Variants in OSBPL1A observed in about 807,000 individuals in gnomAD.
OSBPL1A encodes the protein oxysterol binding protein like 1A.
OSBPL1A carries 80 observed loss-of-function variants against 137.1 expected under a neutral mutation model. That is an observed-to-expected ratio of 0.58 (90% CI 0.49 to 0.70). The LOEUF (loss-of-function observed/expected upper bound fraction) is 0.70. Ranked by LOEUF, OSBPL1A falls within the 30% of genes least tolerant of loss-of-function variation. The pLI is 0.00. For missense variants in OSBPL1A, 970 were observed against 1,129.4 expected (o/e 0.86, Z 2.02); for synonymous variants, 365 against 389.7 (o/e 0.94, Z 0.75).
chr18:24,206,760 C>A (rs939303869), intron 17 of OSBPL1A, among the ~76,000 whole-genome samples: 3 of 152,186 alleles, frequency 2.0e-5, no homozygotes, highest in Admixed American at 6.5e-5. Context: ...GAAAGCAACT[C>A]AAAGGTTCTA....
rs55707517 is a variant in OSBPL1A at position 24,271,164 on chromosome 18, G to C, written c.1281+9678C>G. 0.096 allele frequency among the ~76,000 whole-genome samples: 14,603 copies of C among 152,156 alleles called. 863 individuals carry two copies. Among genetic ancestry groups the C allele is most frequent in the Middle Eastern group, 0.16 (46 of 292 alleles). On this transcript the variant is annotated intron_variant, in intron 15 of 27. Transcript: ENST00000319481. The surrounding 1 kb of genome is among the most constrained non-coding windows in gnomAD (Gnocchi z 4.0). Reference sequence around the variant, plus strand: ...TCCTTAATCCGCTCATGCACTTCTCGTATTCTTGGAATTTCAGCGGCCTCT... The same window carrying C: ...TCCTTAATCCGCTCATGCACTTCTCCTATTCTTGGAATTTCAGCGGCCTCT...
At chr18:24,379,244 G>A (rs2146206903) in intron 1 of OSBPL1A, among the ~76,000 whole-genome samples, 1 of 152,298 alleles carries the variant, frequency 6.6e-6, no homozygotes, top group South Asian at 2.1e-4. Flanking sequence ...TGTTGGCCAG[G>A]CACAGTGGCT....
chr18:24,268,928 T>G (rs887963677), intron 15 of OSBPL1A, among the ~76,000 whole-genome samples: 1 of 152,174 alleles, frequency 6.6e-6, no homozygotes, highest in Non-Finnish European at 1.5e-5. Context: ...AGGCAACTCA[T>G]CTTTCCACAT....
At chr18:24,394,631 C>A (rs972553635) in intron 1 of OSBPL1A, among the ~76,000 whole-genome samples, 3 of 152,106 alleles carry the variant, frequency 2.0e-5, no homozygotes, top group Non-Finnish European at 4.4e-5. Flanking sequence ...TAGAAAAATG[C>A]ATTAAAATTT....
intron 4 of OSBPL1A, among the ~76,000 whole-genome samples, chr18:24,364,183 C>T (rs2091669535): frequency 6.6e-6 from 1 of 152,150 alleles, no homozygotes; most frequent in African/African-American, 2.4e-5. Flanking sequence ...AATGAGACAA[C>T]CCTGAAAACA....
At chr18:24,257,579 C>A (rs1176215276) in intron 15 of OSBPL1A, among the ~76,000 whole-genome samples, 1 of 152,112 alleles carries the variant, frequency 6.6e-6, no homozygotes, top group Non-Finnish European at 1.5e-5. Context: ...GCAAATATTT[C>A]TTAGTAATAC....
intron 4 of OSBPL1A, among the ~76,000 whole-genome samples, chr18:24,348,417 C>T (rs1018232175): frequency 1.3e-5 from 2 of 152,108 alleles, no homozygotes; most frequent in African/African-American, 4.8e-5. Context: ...ATTATTATTA[C>T]ACCTCTTTTT....
At chr18:24,177,209 G>C (rs1368767692) in intron 21 of OSBPL1A, among the ~76,000 whole-genome samples, 2 of 152,082 alleles carry the variant, frequency 1.3e-5, no homozygotes, top group Non-Finnish European at 2.9e-5. Context: ...GCTTGCTTTG[G>C]GGCAAGGCTG....
At chr18:24,203,762 G>C (rs2087289437) in intron 17 of OSBPL1A, among the ~76,000 whole-genome samples, 1 of 152,172 alleles carries the variant, frequency 6.6e-6, no homozygotes, top group Admixed American at 6.5e-5. Flanking sequence ...CACACACAAA[G>C]GGGTGTGCTG....
intron 14 of OSBPL1A, among the ~76,000 whole-genome samples, chr18:24,290,990 A>G (rs2090165716): frequency 6.6e-6 from 1 of 152,210 alleles, no homozygotes; most frequent in South Asian, 2.1e-4. Flanking sequence ...CCAGAAGCAG[A>G]GAAACCTTTA....
At chr18:24,172,263 A>G in intron 22 of OSBPL1A, 113 bp downstream of exon 22, 1 of 782,564 alleles carries the variant, frequency 1.3e-6, no homozygotes, top group East Asian at 2.7e-5. Context: ...TTAAATTTTC[A>G]TCAGCCTGTT....
At chr18:24,230,129 A>G (rs2088224999) in intron 16 of OSBPL1A, among the ~76,000 whole-genome samples, 1 of 152,212 alleles carries the variant, frequency 6.6e-6, no homozygotes, top group African/African-American at 2.4e-5. Context: ...TAATATATTA[A>G]TGCCTTAGTA....
In OSBPL1A at chr18:24,324,455, TAAAAAAAAAAAAA is replaced by T. The variant is rs145135815; in HGVS notation, c.626-5659_626-5647del. 5.4e-4 allele frequency among the ~76,000 whole-genome samples: 7 copies of T among 12,982 alleles called. 1 individual carries two copies. Among genetic ancestry groups the T allele is most frequent in the South Asian group, 4.0e-3 (2 of 502 alleles). 8.5% of individuals were successfully genotyped at this position (12,982 alleles called of 152,430 possible). ...CTCTCAATAAATTTTCTGAAAAAGT[TAAAAAAAAAAAAA>T]AAAAAAAAAAAAAAATTATATCAAA... On this transcript the variant is annotated intron_variant, in intron 7 of 27. Transcript: ENST00000319481.
At chr18:24,268,723 T>G (rs1034775911) in intron 15 of OSBPL1A, among the ~76,000 whole-genome samples, 3 of 152,144 alleles carry the variant, frequency 2.0e-5, no homozygotes, top group Non-Finnish European at 4.4e-5. Flanking sequence ...GCTCCCTTTC[T>G]TTCACTTGTC....
chr18:24,355,487 C>A (rs2588571), intron 4 of OSBPL1A, among the ~76,000 whole-genome samples: 1 of 151,780 alleles, frequency 6.6e-6, no homozygotes, highest in Non-Finnish European at 1.5e-5. Context: ...GGCAACAGGT[C>A]GAGACTCCAT....
intron 15 of OSBPL1A, among the ~76,000 whole-genome samples, chr18:24,256,641 A>G (rs2089283174): frequency 6.6e-6 from 1 of 152,180 alleles, no homozygotes; most frequent in African/African-American, 2.4e-5. Context: ...AAAGAAATAA[A>G]GGTATCCAAA....
At chr18:24,234,787 G>C (rs1567964733) in intron 16 of OSBPL1A, among the ~76,000 whole-genome samples, 1 of 152,198 alleles carries the variant, frequency 6.6e-6, no homozygotes, top group African/African-American at 2.4e-5. Flanking sequence ...TTTAAGAAGA[G>C]TAAGTTGAAA....
chr18:24,317,275 T>C, intron 10 of OSBPL1A, 52 bp downstream of exon 10: 1 of 1,610,488 alleles, frequency 6.2e-7, no homozygotes, highest in Non-Finnish European at 8.5e-7. Context: ...AAAATTCGTA[T>C]TTCAAAATTT....
intron 4 of OSBPL1A, among the ~76,000 whole-genome samples, chr18:24,349,840 T>A (rs2091408109): frequency 6.6e-6 from 1 of 152,192 alleles, no homozygotes; most frequent in African/African-American, 2.4e-5. Flanking sequence ...ATTTCAGTCT[T>A]CACGGTCCCT....
Sources: gnomAD v4.1 joint callset for allele counts (sites outside exome capture counted in the v4.1 genomes callset) on GRCh38, gnomAD v4.1.1 for gene constraint, Gnocchi (gnomAD v3.1) non-coding constraint, MANE v1.5 for transcripts, NCBI Gene and HGNC (gene_info 2026-07-23, HGNC 2026-07-21) for gene names.